DUSP19: variants seen among roughly 807,000 people sequenced by gnomAD.
DUSP19 encodes dual specificity phosphatase 19.
Under a neutral mutation model 16.6 loss-of-function variants are expected in DUSP19, and 14 were observed. The observed-to-expected ratio is 0.84, with a 90% CI of 0.56 to 1.32. The LOEUF (loss-of-function observed/expected upper bound fraction) is 1.32, where lower values mean the gene tolerates loss of function less well. DUSP19 is among the 40% of genes most tolerant of loss of function. The pLI is 0.00. For synonymous variants in DUSP19, 81 were observed against 90.5 expected, an observed-to-expected ratio of 0.90 and a Z score of 0.59; for missense variants, 258 against 255.9, an observed-to-expected ratio of 1.01 and a Z score of -0.06.
chr2:183,093,894 T>C (rs892143438), intron 3 of DUSP19, among the ~76,000 whole-genome samples: 2 of 152,200 alleles, frequency 1.3e-5, no homozygotes, highest in Non-Finnish European at 1.5e-5. Flanking sequence ...ATTTGTTTTA[T>C]GCTAAATGAA....
rs1333682593 is a variant in DUSP19, at chr2:183,095,470, A to G, written c.466A>G (p.Arg156Gly). 1.2e-6 allele frequency: 2 copies of G among 1,612,932 alleles called. No individual in the cohort carries two copies. Among genetic ancestry groups the G allele is most frequent in the Non-Finnish European group, 1.7e-6 (2 of 1,179,638 alleles). Reference protein sequence around the residue: ...VLVHCNAGVSRAAAIVIGFLM... With the variant: ...VLVHCNAGVSGAAAIVIGFLM... Reference sequence around the variant, plus strand: ...TGTTCATTGTAATGCAGGCGTTTCCAGGGCTGCTGCAATTGTAATAGGTTT... The same window carrying G: ...TGTTCATTGTAATGCAGGCGTTTCCGGGGCTGCTGCAATTGTAATAGGTTT... Residue 156 changes from arginine to glycine, a missense_variant, in exon 4 of 4, where the codon AGG becomes GGG. Transcript: ENST00000354221.
In DUSP19 at chr2:183,098,380, G is replaced by A. The variant is rs778421688; in HGVS notation, c.*2722G>A. 4 of 151,970 alleles carry A rather than the reference G, an allele frequency of 2.6e-5. No individual in the cohort carries two copies. The highest frequency in any genetic ancestry group is 5.9e-5 in the Non-Finnish European group (4 of 68,008). 9.4% of individuals were successfully genotyped at this position (151,970 alleles called of 1,614,324 possible). A position where few individuals can be genotyped will look rare whatever the true frequency, so the allele number is the denominator to read the frequency against. On this transcript the variant is annotated 3_prime_UTR_variant, in exon 4 of 4. Transcript: ENST00000354221. ...AATGAATATAATTCAGTCTTTTAGGGGCACCAAGTAAAGCATAAGGTCATA... is the reference window on the plus strand; with the variant it reads ...AATGAATATAATTCAGTCTTTTAGGAGCACCAAGTAAAGCATAAGGTCATA...
At chr2:183,086,087 T>C (rs1305572230) in intron 2 of DUSP19, among the ~76,000 whole-genome samples, 2 of 151,890 alleles carry the variant, frequency 1.3e-5, no homozygotes, top group African/African-American at 4.8e-5. Flanking sequence ...GTTGCTCAAG[T>C]GTACCATCTG....
intron 3 of DUSP19, among the ~76,000 whole-genome samples, chr2:183,088,138 T>C (rs1699685133): frequency 6.6e-6 from 1 of 152,218 alleles, no homozygotes; most frequent in South Asian, 2.1e-4. Context: ...TCTATGTTTA[T>C]GTATGTTTAG....
intron 2 of DUSP19, among the ~76,000 whole-genome samples, chr2:183,084,207 T>C (rs1699631081): frequency 6.6e-6 from 1 of 151,882 alleles, no homozygotes; most frequent in African/African-American, 2.4e-5. Context: ...TTTGGTTTGG[T>C]TTGTTTTTGG....
At position 183,087,020 on chromosome 2, in the gene DUSP19, CT is replaced by C; in HGVS notation, c.274-14del. 2 of 1,599,106 alleles carry C rather than the reference CT, an allele frequency of 1.3e-6. No individual in the cohort carries two copies. ...AATTCATGGGATTTAAAACAATCAT[CT>C]TTTTTCTTTCTCTTTAAGGTGACTC... On this transcript the variant is annotated intron_variant, in intron 2 of 3. Transcript: ENST00000354221.
At chr2:183,086,652 A>G (rs1192336764) in intron 2 of DUSP19, among the ~76,000 whole-genome samples, 4 of 43,518 alleles carry the variant, frequency 9.2e-5, no homozygotes, top group African/African-American at 2.9e-4. Flanking sequence ...CTCTTCTCTG[A>G]AAAAAAAAAA....
At chr2:183,088,812 T>C (rs780749946) in intron 3 of DUSP19, among the ~76,000 whole-genome samples, 27 of 152,302 alleles carry the variant, frequency 1.8e-4, no homozygotes, top group Non-Finnish European at 3.8e-4. Context: ...AACATTCCAG[T>C]GTGTGAGTTA....
intron 1 of DUSP19, among the ~76,000 whole-genome samples, chr2:183,080,883 C>A (rs2105495242): frequency 6.6e-6 from 1 of 152,262 alleles, no homozygotes; most frequent in East Asian, 1.9e-4. Flanking sequence ...CCTAAAGGAT[C>A]CATGGGTGGT....
intron 3 of DUSP19, among the ~76,000 whole-genome samples, chr2:183,089,502 A>G (rs1384944568): frequency 6.6e-6 from 1 of 152,186 alleles, no homozygotes; most frequent in East Asian, 1.9e-4. Context: ...ACACCCAGTA[A>G]TACAACTTTT....
chr2:183,091,328 C>T lies in DUSP19; in HGVS notation c.427-4103C>T, dbSNP rs145473309. Among the ~76,000 whole-genome samples, 1,243 of 152,062 alleles carry T rather than the reference C, an allele frequency of 8.2e-3. 20 individuals carry two copies. The highest frequency in any genetic ancestry group is 0.028 in the African/African-American group (1,149 of 41,454). ...TTTGAACAAATAATTGGACAAAACGCCCATCAAAGCAAAGAAAGAATGAAG... is the reference window on the plus strand; with the variant it reads ...TTTGAACAAATAATTGGACAAAACGTCCATCAAAGCAAAGAAAGAATGAAG... On this transcript the variant is annotated intron_variant, in intron 3 of 3. Transcript: ENST00000354221.
chr2:183,093,729 A>G (rs79817539), intron 3 of DUSP19, among the ~76,000 whole-genome samples: 4,044 of 152,312 alleles, frequency 0.027, 157 homozygotes, highest in African/African-American at 0.09. Context: ...AATGTGTAAG[A>G]CTGAAAATAA....
Position 183,095,629 on chromosome 2 carries a change from T to C in DUSP19, c.625T>C (p.Cys209Arg), listed in dbSNP as rs752233807. 1.2e-6 allele frequency: 2 copies of C among 1,613,916 alleles called. No individual in the cohort carries two copies. The highest frequency in any genetic ancestry group is 2.2e-5 in the South Asian group (2 of 91,054). Residue 209 changes from cysteine to arginine, a missense_variant, in exon 4 of 4, where the codon TGT becomes CGT. By Grantham distance (180) the Cys-to-Arg change is radical (BLOSUM62 -3). Transcript: ENST00000354221. ...TYQEGKESNK[C>R]DRIQENSS The stretch of plus-strand genomic sequence containing the variant: ...TCAAGAGGGCAAAGAAAGCAATAAG[T>C]GTGACAGAATACAGGAGAACAGTTC...
chr2:183,092,195 A>C (rs561619314), intron 3 of DUSP19, among the ~76,000 whole-genome samples: 1 of 152,220 alleles, frequency 6.6e-6, no homozygotes, highest in African/African-American at 2.4e-5. Flanking sequence ...ATTTCATCAT[A>C]GGTGGCTGTC....
chr2:183,086,698 C>T (rs1283679736), intron 2 of DUSP19, among the ~76,000 whole-genome samples: 1 of 151,450 alleles, frequency 6.6e-6, no homozygotes. Context: ...TGGTACACGC[C>T]TGTAGTCCCA....
Position 183,086,025 on chromosome 2 carries a change from G to A in DUSP19, c.274-1015G>A, listed in dbSNP as rs146714113. Among the ~76,000 whole-genome samples, 782 of 151,836 alleles carry A rather than the reference G, an allele frequency of 5.2e-3. 8 individuals carry two copies. Among genetic ancestry groups the A allele is most frequent in the African/African-American group, 0.017 (724 of 41,422 alleles). Reference sequence around the variant, plus strand: ...TGTCTGCCTGGCTTTCTTCCACATGGTTGGTGGACTCTAGGAAAAGGGGCT... The same window carrying A: ...TGTCTGCCTGGCTTTCTTCCACATGATTGGTGGACTCTAGGAAAAGGGGCT... On this transcript the variant is annotated intron_variant, in intron 2 of 3. Transcript: ENST00000354221.
rs974109178 is a variant in DUSP19, at chr2:183,097,182, C to G, written c.*1524C>G. ...CTGAGACTACAGCTGTGCGCCACCA[C>G]ATCTGGCTAATTTTATTTTTATTTT... On this transcript the variant is annotated 3_prime_UTR_variant, in exon 4 of 4. Coordinates refer to ENST00000354221, the MANE Select transcript of DUSP19 (RefSeq NM_080876.4). 1 of 152,134 alleles carries G rather than the reference C, an allele frequency of 6.6e-6. No homozygotes were observed. Among genetic ancestry groups the G allele is most frequent in the Non-Finnish European group, 1.5e-5 (1 of 68,144 alleles). 9.4% of individuals were successfully genotyped at this position (152,134 alleles called of 1,614,324 possible). A position where few individuals can be genotyped will look rare whatever the true frequency, so the allele number is the denominator to read the frequency against.
rs1313088544 is a variant in DUSP19 at position 183,096,317 on chromosome 2, A to C, written c.*659A>C. Reference sequence around the variant, plus strand: ...AATGGCGCAATCTCAGCTCACTGCAACCTCTGCCTCCCGGGTTCAAGCGAT... The same window carrying C: ...AATGGCGCAATCTCAGCTCACTGCACCCTCTGCCTCCCGGGTTCAAGCGAT... On this transcript the variant is annotated 3_prime_UTR_variant, in exon 4 of 4. Transcript: ENST00000354221. 1.3e-5 allele frequency: 2 copies of C among 150,844 alleles called. No individual in the cohort carries two copies. Among genetic ancestry groups the C allele is most frequent in the Non-Finnish European group, 2.9e-5 (2 of 67,868 alleles). The allele number at this position is 150,844 out of a possible 1,614,324, so 9.3% of individuals were successfully genotyped here.
At position 183,099,241 on chromosome 2, in the gene DUSP19, C is replaced by T. The variant is rs957677225; in HGVS notation, c.*3583C>T. ...TCATCTTATAATCTTACAGAGTTAA[C>T]CTAATGAGTCAATACCTTTATAAGC... On this transcript the variant is annotated 3_prime_UTR_variant, in exon 4 of 4. Coordinates refer to ENST00000354221, the MANE Select transcript of DUSP19 (RefSeq NM_080876.4). The T allele has an allele frequency of 6.6e-6, 1 of 152,126 alleles. No individual in the cohort carries two copies. Among genetic ancestry groups the T allele is most frequent in the African/African-American group, 2.4e-5 (1 of 41,426 alleles). The allele number at this position is 152,126 out of a possible 1,614,324, so 9.4% of individuals were successfully genotyped here. A position where few individuals can be genotyped will look rare whatever the true frequency, so the allele number is the denominator to read the frequency against.
Sources: gnomAD v4.1 joint callset for allele counts (sites outside exome capture counted in the v4.1 genomes callset) on GRCh38, gnomAD v4.1.1 for gene constraint, MANE v1.5 for transcripts, NCBI Gene and HGNC (gene_info 2026-07-23, HGNC 2026-07-21) for gene names.